Variants in ATR observed in about 807,000 individuals in gnomAD.
ATR encodes the protein serine/threonine-protein kinase ATR.
ATR carries 142 observed loss-of-function variants against 305.3 expected under a neutral mutation model. That is an observed-to-expected ratio of 0.47 (90% CI 0.41 to 0.53). The LOEUF (loss-of-function observed/expected upper bound fraction) is 0.53. ATR is among the 20% of genes least tolerant of loss of function. ATR has a pLI of 0.00. For missense variants in ATR, 2,135 were observed against 3,133.1 expected (o/e 0.68, Z 7.60); for synonymous variants, 1,050 against 1,068.1 (o/e 0.98, Z 0.33).
intron 21 of ATR, among the ~76,000 whole-genome samples, chr3:142,528,854 CATAT>C (rs1191100552): frequency 3.4e-3 from 222 of 65,632 alleles, no homozygotes; most frequent in Middle Eastern, 0.01. Context: ...CTGGAATTAT[CATAT>C]ATATATATAT....
At chr3:142,544,783 AAT>A (rs1385362807) in intron 16 of ATR, among the ~76,000 whole-genome samples, 1 of 152,108 alleles carries the variant, frequency 6.6e-6, no homozygotes, top group Non-Finnish European at 1.5e-5. Flanking sequence ...GCTACCATAT[AAT>A]AGAGAGGAGT....
rs182162833 is a variant in ATR at position 142,499,977 on chromosome 3, C to G, written c.5289-259G>C. 4.3e-4 allele frequency: 161 copies of G among 370,642 alleles called. 1 individual carries two copies. The highest frequency in any genetic ancestry group is 8.4e-4 in the Middle Eastern group (1 of 1,194). 23.0% of individuals were successfully genotyped at this position (370,642 alleles called of 1,614,324 possible). On this transcript the variant is annotated intron_variant, in intron 30 of 46. Transcript: ENST00000350721. ...ACATTCTTCAACAAATTAAAGTGTG[C>G]CATATATTAGAGCAGAGTTAATTCC...
chr3:142,509,437 T>C (rs2032431297), intron 27 of ATR, among the ~76,000 whole-genome samples: 1 of 152,002 alleles, frequency 6.6e-6, no homozygotes, highest in Non-Finnish European at 1.5e-5. Flanking sequence ...GTGCTAGGAT[T>C]ACAGGTGTGA....
At chr3:142,453,340 A>G in intron 45 of ATR, 107 bp from the exon 46 acceptor site, 1 of 1,317,234 alleles carries the variant, frequency 7.6e-7, no homozygotes, top group Non-Finnish European at 1.1e-6. Context: ...ATACTCTTAT[A>G]ATACACATTA....
At chr3:142,467,063 GAGATAATAAATGC>G (rs1205525826) in intron 39 of ATR, among the ~76,000 whole-genome samples, 3 of 152,228 alleles carry the variant, frequency 2.0e-5, no homozygotes, top group Non-Finnish European at 4.4e-5. Context: ...GGGATTAATG[GAGATAATAAATGC>G]AGATTACCCT....
intron 46 of ATR, chr3:142,450,112 G>A (rs369712914): frequency 6.5e-5 from 20 of 309,990 alleles, no homozygotes; most frequent in African/African-American, 3.7e-4. Context: ...GGTGGGCTGC[G>A]CTGCAGCCCA....
intron 21 of ATR, among the ~76,000 whole-genome samples, chr3:142,529,216 G>A (rs918408351): frequency 6.6e-6 from 1 of 151,692 alleles, no homozygotes; most frequent in African/African-American, 2.4e-5. Context: ...TTAATTAAAG[G>A]TGAAATATTA....
At chr3:142,493,399 C>T in intron 34 of ATR, 88 bp from the exon 35 acceptor site, 1 of 1,358,824 alleles carries the variant, frequency 7.4e-7, no homozygotes, top group Non-Finnish European at 1.0e-6. Flanking sequence ...TGTTTTTGTA[C>T]AAATCCATTT....
At chr3:142,506,515 C>T (rs781756828) in intron 28 of ATR, among the ~76,000 whole-genome samples, 22 of 152,066 alleles carry the variant, frequency 1.4e-4, no homozygotes, top group Non-Finnish European at 2.6e-4. Context: ...TGGAAAACCC[C>T]GTCTCTACAA....
rs771643731 is a variant in ATR at position 142,547,752 on chromosome 3, C to T, written c.3330G>A (p.Pro1110=). The T allele has an allele frequency of 2.5e-6, 4 of 1,613,734 alleles. No homozygotes were observed. The Admixed American group carries it at 5.0e-5, about 20-fold the overall frequency. Residue 1110 remains proline (P), a synonymous_variant, in exon 16 of 47, where the codon CCG becomes CCA. Coordinates refer to ENST00000350721, the MANE Select transcript of ATR (RefSeq NM_001184.4). ...TCAGTTCAGGTGATATGATATCTCT[C>T]GGGCCCTGATATGGATCATCACTGG... is the stretch of plus-strand genomic sequence containing the variant. ...FASSDDPYQG[P]RDIISPELMA... is the part of the protein sequence containing the mutation.
chr3:142,492,542 C>A (rs890121661), intron 35 of ATR, among the ~76,000 whole-genome samples: 1 of 152,124 alleles, frequency 6.6e-6, no homozygotes, highest in African/African-American at 2.4e-5. Flanking sequence ...CTTTCTTCTA[C>A]TTTTTTATTT....
intron 35 of ATR, among the ~76,000 whole-genome samples, chr3:142,488,733 G>A (rs897458707): frequency 3.9e-5 from 6 of 152,174 alleles, no homozygotes; most frequent in Non-Finnish European, 8.8e-5. Context: ...CTGAAAAAAT[G>A]AAAGGTGACA....
rs190019231 is a variant in ATR at position 142,528,223 on chromosome 3, T to C, written c.3946-4024A>G. The stretch of plus-strand genomic sequence containing the variant: ...ATCAAGGTGTAACGTCTGACATATA[T>C]TCACAATAGCTACTTTATTATGTTA... On this transcript the variant is annotated intron_variant, in intron 21 of 46. Transcript: ENST00000350721. 1.5e-3 allele frequency among the ~76,000 whole-genome samples: 228 copies of C among 152,360 alleles called. 1 individual carries two copies. Among genetic ancestry groups the C allele is most frequent in the African/African-American group, 5.1e-3 (213 of 41,590 alleles).
At chr3:142,513,442 T>C (rs1039829054) in intron 26 of ATR, 59 bp downstream of exon 26, 27 of 1,574,672 alleles carry the variant, frequency 1.7e-5, no homozygotes, top group Non-Finnish European at 2.3e-5. Flanking sequence ...CTAATACTAA[T>C]TACATTGGAG....
chr3:142,534,681 T>G (rs1202817921), intron 21 of ATR, among the ~76,000 whole-genome samples: 1 of 152,112 alleles, frequency 6.6e-6, no homozygotes, highest in African/African-American at 2.4e-5. Context: ...ACTTAAAGAT[T>G]TAGCTTCATT....
intron 41 of ATR, among the ~76,000 whole-genome samples, chr3:142,463,468 C>T (rs919811398): frequency 2.0e-5 from 3 of 152,302 alleles, no homozygotes; most frequent in East Asian, 1.9e-4. Context: ...ACGATCTGGG[C>T]TCACTGCAAC....
At chr3:142,538,674 G>A (rs2108433367) in intron 18 of ATR, 49 bp from the exon 19 acceptor site, 1 of 1,603,308 alleles carries the variant, frequency 6.2e-7, no homozygotes, top group Non-Finnish European at 8.5e-7. Flanking sequence ...TTTATTATTT[G>A]TAAAGCTCTA....
chr3:142,507,788 T>C, intron 28 of ATR, 143 bp downstream of exon 28: 3 of 770,448 alleles, frequency 3.9e-6, no homozygotes, highest in South Asian at 1.8e-5. Flanking sequence ...TAAAATATTA[T>C]ACCAAATTGA....
chr3:142,539,072 A>G (rs928700816), intron 18 of ATR, among the ~76,000 whole-genome samples: 1 of 152,186 alleles, frequency 6.6e-6, no homozygotes, highest in Admixed American at 6.6e-5. Context: ...TTTTAAAGAA[A>G]CTGAAACAAG....
Sources: allele counts gnomAD v4.1 joint callset (sites outside exome capture counted in the v4.1 genomes callset), GRCh38; gene constraint gnomAD v4.1.1; transcripts MANE v1.5; gene names NCBI Gene and HGNC (gene_info 2026-07-23, HGNC 2026-07-21).